Variants in NRXN3 observed in about 807,000 individuals in gnomAD.
NRXN3 encodes neurexin 3, also known as neurexin III.
In NRXN3, 32 loss-of-function variants were observed where a neutral mutation model predicts 137.6. The observed-to-expected ratio is 0.23, with a 90% CI of 0.18 to 0.31. The LOEUF (loss-of-function observed/expected upper bound fraction) is 0.31, where lower values mean the gene tolerates loss of function less well. Ranked by LOEUF, NRXN3 falls within the 10% of genes least tolerant of loss-of-function variation. NRXN3 has a pLI of 1.00. For missense variants in NRXN3, 1,574 were observed against 2,062.5 expected, an observed-to-expected ratio of 0.76 and a Z score of 4.59; for synonymous variants, 798 against 784.5, an observed-to-expected ratio of 1.02 and a Z score of -0.29.
intron 19 of NRXN3, among the ~76,000 whole-genome samples, chr14:79,741,465 G>T (rs1373818173): frequency 6.6e-6 from 1 of 151,958 alleles, no homozygotes; most frequent in Admixed American, 6.6e-5. Context: ...GTGTGTGTGT[G>T]TGTGTGTGCA....
chr14:78,529,529 C>T (rs1599946295), intron 4 of NRXN3, among the ~76,000 whole-genome samples: 1 of 152,126 alleles, frequency 6.6e-6, no homozygotes, highest in East Asian at 1.9e-4. Context: ...ACGTGAACCC[C>T]AATATGGCAT....
In NRXN3 at chr14:78,452,149, AC is replaced by A. The variant is rs537747025; in HGVS notation, c.757+154290del. ...GTTAATTCTTACTACTTCCGGTGGTACTGATATTATGATGCCATTATTATAG... is the reference window on the plus strand; with the variant it reads ...GTTAATTCTTACTACTTCCGGTGGTATGATATTATGATGCCATTATTATAG... On this transcript the variant is annotated intron_variant, in intron 4 of 20. Transcript: ENST00000335750. Among the ~76,000 whole-genome samples, 22 of 152,312 alleles carry A rather than the reference AC, an allele frequency of 1.4e-4. No individual in the cohort carries two copies. The East Asian group carries it at 4.2e-3, about 29-fold the overall frequency.
Position 78,242,928 on chromosome 14 carries a change from C to T in NRXN3, c.-166C>T. 1 of 584,058 alleles carries T rather than the reference C, an allele frequency of 1.7e-6. No homozygotes were observed. The highest frequency in any genetic ancestry group is 4.3e-4 in the Middle Eastern group (1 of 2,324). The allele number at this position is 584,058 out of a possible 1,614,324, so 36.2% of individuals were successfully genotyped here. A position where few individuals can be genotyped will look rare whatever the true frequency, so the allele number is the denominator to read the frequency against. ...CTGGGACTCTCTTGTACACTTTCCTCCATCTCCACTATCTCAGGATCTGTG... is the reference window on the plus strand; with the variant it reads ...CTGGGACTCTCTTGTACACTTTCCTTCATCTCCACTATCTCAGGATCTGTG... On this transcript the variant is annotated 5_prime_UTR_variant, in exon 2 of 21. Transcript: ENST00000335750.
chr14:79,157,898 C>A (rs1445028293), intron 15 of NRXN3, among the ~76,000 whole-genome samples: 1 of 151,694 alleles, frequency 6.6e-6, no homozygotes, highest in Non-Finnish European at 1.5e-5. Context: ...CTAGTAAGTA[C>A]CACTTTTCAC....
At chr14:78,709,676 T>C (rs2098388546) in intron 7 of NRXN3, 21 bp downstream of exon 7, 1 of 1,591,936 alleles carries the variant, frequency 6.3e-7, no homozygotes, top group Non-Finnish European at 8.6e-7. Flanking sequence ...GCAGGATGTG[T>C]GACTGAGACT....
chr14:79,099,356 T>C (rs758767376), intron 15 of NRXN3, among the ~76,000 whole-genome samples: 6 of 151,982 alleles, frequency 3.9e-5, no homozygotes, highest in Non-Finnish European at 7.4e-5. Context: ...TGAGGGAAAA[T>C]GTAGGCAGAG....
chr14:79,034,349 T>TACACACACACACACACACACAC (rs56226324), intron 15 of NRXN3, among the ~76,000 whole-genome samples: 5,877 of 144,318 alleles, frequency 0.041, 169 homozygotes, highest in Middle Eastern at 0.073. Context: ...TCTTATTTCT[T>TACACACACACACACACACACAC]ACACACACAC....
At chr14:78,382,331 A>G (rs2089272813) in intron 4 of NRXN3, among the ~76,000 whole-genome samples, 1 of 152,198 alleles carries the variant, frequency 6.6e-6, no homozygotes, top group South Asian at 2.1e-4. Context: ...GCTGATGGAT[A>G]GAGATACTCT....
At chr14:79,165,579 G>T (rs2061212779) in intron 15 of NRXN3, among the ~76,000 whole-genome samples, 1 of 151,922 alleles carries the variant, frequency 6.6e-6, no homozygotes, top group Admixed American at 6.6e-5. Flanking sequence ...GGCCTGTTTT[G>T]CAAACAGTCT....
intron 10 of NRXN3, among the ~76,000 whole-genome samples, chr14:78,837,461 A>C (rs987736261): frequency 1.3e-5 from 2 of 150,230 alleles, no homozygotes; most frequent in African/African-American, 4.9e-5. Flanking sequence ...AAAATGCTTC[A>C]CCCTAGTCCT....
At chr14:78,464,051 A>G (rs76223994) in intron 4 of NRXN3, among the ~76,000 whole-genome samples, 8 of 87,046 alleles carry the variant, frequency 9.2e-5, no homozygotes, top group Non-Finnish European at 1.4e-4. Context: ...TTATTTAATT[A>G]ATTAATTTTT....
intron 15 of NRXN3, among the ~76,000 whole-genome samples, chr14:79,084,133 C>G (rs2047615361): frequency 6.6e-6 from 1 of 152,016 alleles, no homozygotes; most frequent in African/African-American, 2.4e-5. Context: ...AGGCTGGTCT[C>G]AAACTCCTGG....
intron 10 of NRXN3, among the ~76,000 whole-genome samples, chr14:78,826,141 A>AC (rs2098965888): frequency 6.6e-6 from 1 of 152,238 alleles, no homozygotes; most frequent in Non-Finnish European, 1.5e-5. Context: ...AGGATACAGG[A>AC]CCATTTACAT....
intron 17 of NRXN3, among the ~76,000 whole-genome samples, chr14:79,668,500 A>G (rs1378761906): frequency 6.6e-6 from 1 of 152,116 alleles, no homozygotes; most frequent in Non-Finnish European, 1.5e-5. Context: ...ACACTTTTCT[A>G]TCCTGATCCT....
intron 16 of NRXN3, among the ~76,000 whole-genome samples, chr14:79,659,834 C>T (rs769313885): frequency 2.6e-5 from 4 of 152,270 alleles, no homozygotes; most frequent in African/African-American, 4.8e-5. Flanking sequence ...GGCTAAAACC[C>T]ACATTTATTC....
chr14:79,568,675 T>A (rs2097571282), intron 16 of NRXN3, among the ~76,000 whole-genome samples: 1 of 152,188 alleles, frequency 6.6e-6, no homozygotes. Context: ...CTGTGAGGAC[T>A]GCAATGTGTG....
At chr14:78,451,102 C>T (rs989555744) in intron 4 of NRXN3, among the ~76,000 whole-genome samples, 12 of 152,266 alleles carry the variant, frequency 7.9e-5, no homozygotes, top group African/African-American at 2.2e-4. Flanking sequence ...CTCTGGCCAC[C>T]TCTTCCCCTT....
At chr14:78,298,891 C>T (rs1220469902) in intron 4 of NRXN3, among the ~76,000 whole-genome samples, 1 of 152,172 alleles carries the variant, frequency 6.6e-6, no homozygotes, top group Non-Finnish European at 1.5e-5. Flanking sequence ...ACTTCCCCTC[C>T]CCTGCTCCCT....
chr14:78,496,600 T>C lies in NRXN3; in HGVS notation c.758-148520T>C, dbSNP rs116240991. Among the ~76,000 whole-genome samples, 932 of 152,208 alleles carry C rather than the reference T, an allele frequency of 6.1e-3. 7 individuals are homozygous for C. Among genetic ancestry groups the C allele is most frequent in the African/African-American group, 0.021 (880 of 41,548 alleles). On this transcript the variant is annotated intron_variant, in intron 4 of 20. Transcript: ENST00000335750. The stretch of plus-strand genomic sequence containing the variant: ...TATCCTTCCTTTTGTAAAGTTTACA[T>C]TTTAGTAAAAGGAGAAAGAGGCAAT...
Sources: allele counts gnomAD v4.1 joint callset (sites outside exome capture counted in the v4.1 genomes callset), GRCh38; gene constraint gnomAD v4.1.1; transcripts MANE v1.5; gene names NCBI Gene and HGNC (gene_info 2026-07-23, HGNC 2026-07-21).